GNAI2: variants seen among roughly 807,000 people sequenced by gnomAD.
The protein encoded by GNAI2 is G protein subunit alpha i2.
GNAI2 carries 4 observed loss-of-function variants against 36.8 expected under a neutral mutation model. That is an observed-to-expected ratio of 0.11 (90% CI 0.05 to 0.25). GNAI2 has a LOEUF of 0.25. Among genes scored for constraint, GNAI2 ranks in the 10% least tolerant of loss-of-function variants. GNAI2 has a pLI of 1.00. For synonymous variants in GNAI2, 194 were observed against 194.1 expected, an observed-to-expected ratio of 1.00 and a Z score of 0.01; for missense variants, 230 against 481.3, an observed-to-expected ratio of 0.48 and a Z score of 4.89.
intron 1 of GNAI2, among the ~76,000 whole-genome samples, chr3:50,244,136 C>A (rs1374524789): frequency 2.0e-5 from 3 of 149,582 alleles, no homozygotes; most frequent in African/African-American, 7.5e-5. Context: ...TCAAGCGATT[C>A]TCCTGCCTCA....
chr3:50,227,217 G>A, upstream of GNAI2: 1 of 1,373,972 alleles, frequency 7.3e-7, no homozygotes, highest in Non-Finnish European at 9.5e-7. The surrounding 1 kb of genome is among the most constrained non-coding windows in gnomAD (Gnocchi z 5.9). Context: ...GGCTATCGCG[G>A]AGGAGACCCT....
intron 1 of GNAI2, among the ~76,000 whole-genome samples, chr3:50,247,519 A>G (rs1043590276): frequency 2.0e-5 from 3 of 152,246 alleles, no homozygotes; most frequent in African/African-American, 7.2e-5. Flanking sequence ...CTAAGCATCA[A>G]GTGACAAGAC....
chr3:50,257,773 A>T (rs1700742479), intron 8 of GNAI2, 59 bp downstream of exon 8: 43 of 402,334 alleles, frequency 1.1e-4, no homozygotes, highest in Non-Finnish European at 1.4e-4. Flanking sequence ...CTGGAGCCCC[A>T]GCAGGGGGTT....
chr3:50,252,261 G>A lies in GNAI2; in HGVS notation c.161+119G>A, dbSNP rs1700577890. 2.2e-6 allele frequency: 3 copies of A among 1,386,386 alleles called. No homozygotes were observed. Among genetic ancestry groups the A allele is most frequent in the East Asian group, 4.6e-5 (2 of 43,596 alleles). 85.9% of individuals were successfully genotyped at this position (1,386,386 alleles called of 1,614,324 possible). On this transcript the variant is annotated intron_variant, in intron 2 of 8. Transcript: ENST00000313601. The surrounding 1 kb of genome is among the most constrained non-coding windows in gnomAD (Gnocchi z 4.1). ...CTTAGCCAGGCCCAGAATCTTCTGA[G>A]AAGCAGAAGGACCCTCAGGTCCCAG...
intron 1 of GNAI2, chr3:50,247,014 G>GATA: frequency 5.6e-6 from 7 of 1,257,634 alleles, no homozygotes; most frequent in Non-Finnish European, 6.7e-6. Context: ...AAAATCTTCA[G>GATA]AAGCTTTCCT....
At chr3:50,229,190 T>C (rs1044988422), upstream of GNAI2, 1 of 152,168 alleles carries the variant, frequency 6.6e-6, no homozygotes, top group Non-Finnish European at 1.5e-5. Context: ...AAGCAGTAGC[T>C]CCTGGGAATA....
upstream of GNAI2, among the ~76,000 whole-genome samples, chr3:50,235,673 C>T (rs1158588032): frequency 2.0e-5 from 3 of 152,172 alleles, no homozygotes; most frequent in Non-Finnish European, 2.9e-5. Context: ...GCGGTAAACC[C>T]GCCTTAAGAC....
At position 50,253,636 on chromosome 3, in the gene GNAI2, C is replaced by T. The variant is rs1420710382; in HGVS notation, c.464+452C>T. Among the ~76,000 whole-genome samples, 1 of 152,124 alleles carries T rather than the reference C, an allele frequency of 6.6e-6. No individual in the cohort carries two copies. Among genetic ancestry groups the T allele is most frequent in the Non-Finnish European group, 1.5e-5 (1 of 68,012 alleles). On this transcript the variant is annotated intron_variant, in intron 4 of 8. Transcript: ENST00000313601. This position sits in a 1 kb window ranked among gnomAD's most constrained non-coding sequence, Gnocchi z 4.2. ...GAGGGCGCCTGTAGTCCCAGCTACT[C>T]AGGAGGCTGAGGCAGGAGAATGGCG...
At position 50,252,873 on chromosome 3, in the gene GNAI2, TAAAC is replaced by T; in HGVS notation, c.304-148_304-145del. Reference sequence around the variant, plus strand: ...AGCTAGACTCCGTCACAGAAAAAAGTAAACAACAACAACAAAAAGGTTTTAGGGC... The same window carrying T: ...AGCTAGACTCCGTCACAGAAAAAAGTAACAACAACAAAAAGGTTTTAGGGC... On this transcript the variant is annotated intron_variant, in intron 3 of 8. Coordinates refer to ENST00000313601, the MANE Select transcript of GNAI2 (RefSeq NM_002070.4). This position sits in a 1 kb window ranked among gnomAD's most constrained non-coding sequence, Gnocchi z 4.1. 1.5e-6 allele frequency: 1 copy of T among 661,220 alleles called. No homozygotes were observed. Among genetic ancestry groups the T allele is most frequent in the East Asian group, 2.6e-5 (1 of 37,932 alleles). The allele number at this position is 661,220 out of a possible 1,614,324, so 41.0% of individuals were successfully genotyped here. A position where few individuals can be genotyped will look rare whatever the true frequency, so the allele number is the denominator to read the frequency against.
At chr3:50,250,664 C>T (rs1426542623) in intron 1 of GNAI2, among the ~76,000 whole-genome samples, 1 of 152,166 alleles carries the variant, frequency 6.6e-6, no homozygotes, top group Non-Finnish European at 1.5e-5. Flanking sequence ...AAGGTGAGGC[C>T]CTGCCTCCAC....
chr3:50,249,372 G>A (rs1700494818), intron 1 of GNAI2, among the ~76,000 whole-genome samples: 1 of 152,190 alleles, frequency 6.6e-6, no homozygotes, highest in Admixed American at 6.5e-5. Flanking sequence ...TAAGTGTTCA[G>A]GCATCGCTGT....
At chr3:50,257,902 G>A (rs782486021) in intron 8 of GNAI2, 188 bp downstream of exon 8, 8 of 503,350 alleles carry the variant, frequency 1.6e-5, no homozygotes, top group South Asian at 1.3e-4. Flanking sequence ...GCAGGGCATG[G>A]AGGAGGTCAT....
At chr3:50,232,733 A>C (rs11716295), upstream of GNAI2, among the ~76,000 whole-genome samples, 4,531 of 152,314 alleles carry the variant, frequency 0.03, 98 homozygotes, top group Middle Eastern at 0.082. Context: ...GTGGAGGATA[A>C]ATTGTAGGGA....
At chr3:50,249,465 A>G (rs76677798) in intron 1 of GNAI2, among the ~76,000 whole-genome samples, 72 of 152,196 alleles carry the variant, frequency 4.7e-4, no homozygotes, top group East Asian at 2.9e-3. Context: ...CCCCTTTGCC[A>G]TGCACAGCCC....
Position 50,250,810 on chromosome 3 carries a change from C to CTTT in GNAI2, c.119-1275_119-1273dup, listed in dbSNP as rs782677693. Reference sequence around the variant, plus strand: ...GTCTGGGATGGGACCTGGGAGTCTGCTTTTTTTTTTTTTTTTTAGACCAAG... The same window carrying CTTT: ...GTCTGGGATGGGACCTGGGAGTCTGCTTTTTTTTTTTTTTTTTTTTAGACCAAG... On this transcript the variant is annotated intron_variant, in intron 1 of 8. Coordinates refer to ENST00000313601, the MANE Select transcript of GNAI2 (RefSeq NM_002070.4). Among the ~76,000 whole-genome samples the CTTT allele has an allele frequency of 1.5e-5, 2 of 136,660 alleles. 1 individual carries two copies. Among genetic ancestry groups the CTTT allele is most frequent in the Non-Finnish European group, 3.2e-5 (2 of 62,766 alleles). 89.7% of individuals were successfully genotyped at this position (136,660 alleles called of 152,430 possible).
chr3:50,252,892 G>A lies in GNAI2; in HGVS notation c.304-132G>A. ...AAAAAGTAAACAACAACAACAAAAA[G>A]GTTTTAGGGCAAGTCTCATCCTAGG... On this transcript the variant is annotated intron_variant, in intron 3 of 8. Coordinates refer to ENST00000313601, the MANE Select transcript of GNAI2 (RefSeq NM_002070.4). The surrounding 1 kb of genome is among the most constrained non-coding windows in gnomAD (Gnocchi z 4.1). The A allele has an allele frequency of 1.4e-6, 1 of 721,998 alleles. No individual in the cohort carries two copies. Among genetic ancestry groups the A allele is most frequent in the Admixed American group, 2.4e-5 (1 of 40,990 alleles). The allele number at this position is 721,998 out of a possible 1,614,324, so 44.7% of individuals were successfully genotyped here.
In GNAI2 at chr3:50,252,292, CA is replaced by C; in HGVS notation, c.162-104del. On this transcript the variant is annotated intron_variant, in intron 2 of 8. Transcript: ENST00000313601. This position sits in a 1 kb window ranked among gnomAD's most constrained non-coding sequence, Gnocchi z 4.1. The stretch of plus-strand genomic sequence containing the variant: ...GAAGGACCCTCAGGTCCCAGTGGGT[CA>C]GGGGCAGTTTTCCCTTCTCTGAAGC... 7.0e-7 allele frequency: 1 copy of C among 1,422,486 alleles called. No individual in the cohort carries two copies. Among genetic ancestry groups the C allele is most frequent in the East Asian group, 2.3e-5 (1 of 43,902 alleles). 88.1% of individuals were successfully genotyped at this position (1,422,486 alleles called of 1,614,324 possible).
upstream of GNAI2, among the ~76,000 whole-genome samples, chr3:50,228,354 C>A (rs986858523): frequency 3.9e-5 from 6 of 152,136 alleles, no homozygotes; most frequent in African/African-American, 1.4e-4. Context: ...GAGTTTGAGA[C>A]CAGCCTGGCC....
intron 1 of GNAI2, among the ~76,000 whole-genome samples, chr3:50,248,790 G>A (rs143347865): frequency 1.3e-5 from 2 of 152,224 alleles, no homozygotes; most frequent in East Asian, 3.9e-4. Flanking sequence ...CATTTAAGAG[G>A]CCTTAGGAGG....
Sources: gnomAD v4.1 joint callset for allele counts (sites outside exome capture counted in the v4.1 genomes callset) on GRCh38, gnomAD v4.1.1 for gene constraint, Gnocchi (gnomAD v3.1) non-coding constraint, MANE v1.5 for transcripts, NCBI Gene and HGNC (gene_info 2026-07-23, HGNC 2026-07-21) for gene names.